The following CADM1 variants were observed in gnomAD, a reference collection of about 807,000 sequenced individuals.
CADM1 encodes the protein cell adhesion molecule 1, also known as TSLC-1.
Under a neutral mutation model 53.1 loss-of-function variants are expected in CADM1, and 15 were observed. The observed-to-expected ratio is 0.28, with a 90% confidence interval of 0.19 to 0.44. The LOEUF is 0.44. CADM1 is among the 20% of genes least tolerant of loss of function. The pLI is 1.00. For synonymous variants in CADM1, 281 were observed against 243.0 expected (o/e 1.16, Z -1.45); for missense variants, 434 against 611.3 (o/e 0.71, Z 3.06).
intron 1 of CADM1, among the ~76,000 whole-genome samples, chr11:115,261,581 T>A (rs1942974902): frequency 6.6e-6 from 1 of 152,202 alleles, no homozygotes; most frequent in Admixed American, 6.5e-5. Flanking sequence ...TTCTGTAATT[T>A]TAATTACTAT....
chr11:115,180,735 C>G (rs1269511077), intron 10 of CADM1, among the ~76,000 whole-genome samples: 2 of 151,954 alleles, frequency 1.3e-5, no homozygotes, highest in African/African-American at 4.8e-5. Flanking sequence ...GCTTGACACA[C>G]TGGAGATGTT....
intron 1 of CADM1, among the ~76,000 whole-genome samples, chr11:115,383,004 G>A (rs1946615729): frequency 6.6e-6 from 1 of 152,136 alleles, no homozygotes; most frequent in Non-Finnish European, 1.5e-5. Flanking sequence ...TCTCACAATA[G>A]GCTAGCCCTT....
intron 1 of CADM1, among the ~76,000 whole-genome samples, chr11:115,454,033 T>C (rs919636869): frequency 6.6e-6 from 1 of 152,066 alleles, no homozygotes; most frequent in Non-Finnish European, 1.5e-5. Flanking sequence ...TTGGTCATTT[T>C]TTCTAAAATG....
At chr11:115,475,318 C>A (rs1280442609) in intron 1 of CADM1, among the ~76,000 whole-genome samples, 1 of 150,194 alleles carries the variant, frequency 6.7e-6, no homozygotes, top group South Asian at 2.1e-4. Flanking sequence ...TTTATTTTTT[C>A]AAATATTTTC....
At chr11:115,231,773 G>C (rs1296754934) in intron 3 of CADM1, among the ~76,000 whole-genome samples, 2 of 152,060 alleles carry the variant, frequency 1.3e-5, no homozygotes, top group Non-Finnish European at 2.9e-5. Context: ...GATTACCTGA[G>C]GTCAGGAGTT....
chr11:115,380,229 G>GA (rs34763055), intron 1 of CADM1, among the ~76,000 whole-genome samples: 152,332 of 152,332 alleles, frequency 1, 76,166 homozygotes, highest in Non-Finnish European at 1. Flanking sequence ...ATCGGGGGAA[G>GA]AAAGAATTAT....
chr11:115,275,510 A>G (rs374395908), intron 1 of CADM1, among the ~76,000 whole-genome samples: 4 of 152,228 alleles, frequency 2.6e-5, no homozygotes, highest in East Asian at 1.9e-4. Context: ...TGTATGGCAT[A>G]TAAGATTGAA....
chr11:115,472,760 G>A (rs1466477366), intron 1 of CADM1, among the ~76,000 whole-genome samples: 1 of 152,018 alleles, frequency 6.6e-6, no homozygotes, highest in Non-Finnish European at 1.5e-5. Flanking sequence ...ATATATTTAT[G>A]TTGCTCTATT....
At chr11:115,488,667 A>G (rs2135422982) in intron 1 of CADM1, among the ~76,000 whole-genome samples, 1 of 152,346 alleles carries the variant, frequency 6.6e-6, no homozygotes, top group Middle Eastern at 3.4e-3. Context: ...CCTCTTCTAC[A>G]CAAGACCAAA....
At chr11:115,257,949 G>C (rs1942846888) in intron 1 of CADM1, among the ~76,000 whole-genome samples, 1 of 152,190 alleles carries the variant, frequency 6.6e-6, no homozygotes, top group Admixed American at 6.5e-5. Flanking sequence ...AGGTGATGCT[G>C]ACACTGCTGA....
chr11:115,416,287 C>T lies in CADM1; in HGVS notation c.124+87984G>A, dbSNP rs551870391. Among the ~76,000 whole-genome samples the T allele has an allele frequency of 5.3e-5, 8 of 152,164 alleles. No individual in the cohort carries two copies. The South Asian group carries it at 1.2e-3, about 24-fold the overall frequency. The stretch of plus-strand genomic sequence containing the variant: ...AGCTGAGTATCTTTGGCCAATTGTC[C>T]GCTGCTTTCTTATATTAAATCTCCA... On this transcript the variant is annotated intron_variant, in intron 1 of 11. Transcript: ENST00000331581.
intron 1 of CADM1, among the ~76,000 whole-genome samples, chr11:115,294,946 G>A (rs1397305378): frequency 6.6e-6 from 1 of 152,180 alleles, no homozygotes; most frequent in Non-Finnish European, 1.5e-5. Context: ...GGCTGAGGCA[G>A]GAGAATTGCT....
At chr11:115,233,787 T>C (rs1941911389) in intron 3 of CADM1, among the ~76,000 whole-genome samples, 1 of 152,108 alleles carries the variant, frequency 6.6e-6, no homozygotes, top group Non-Finnish European at 1.5e-5. Context: ...TGTTGAAATA[T>C]GCAGTGGTTC....
intron 1 of CADM1, among the ~76,000 whole-genome samples, chr11:115,417,713 T>G (rs556524053): frequency 6.6e-6 from 1 of 152,306 alleles, no homozygotes; most frequent in South Asian, 2.1e-4. Context: ...GATTTCATTA[T>G]GCTCCTCAGA....
chr11:115,367,153 G>A (rs1946184541), intron 1 of CADM1, among the ~76,000 whole-genome samples: 1 of 152,246 alleles, frequency 6.6e-6, no homozygotes, highest in Non-Finnish European at 1.5e-5. Context: ...GTTCGAGGCT[G>A]CAGTGAGCTA....
intron 1 of CADM1, among the ~76,000 whole-genome samples, chr11:115,351,584 ACACTT>A (rs1219293331): frequency 6.6e-6 from 1 of 152,212 alleles, no homozygotes; most frequent in African/African-American, 2.4e-5. Flanking sequence ...CCTAGAGAAA[ACACTT>A]CAAATTGTAT....
chr11:115,407,476 T>G (rs547387508), intron 1 of CADM1, among the ~76,000 whole-genome samples: 1 of 152,282 alleles, frequency 6.6e-6, no homozygotes, highest in Admixed American at 6.5e-5. Context: ...TTTCATTAAG[T>G]GCTGCCAAAA....
intron 1 of CADM1, among the ~76,000 whole-genome samples, chr11:115,381,952 C>T (rs561058665): frequency 1.3e-3 from 196 of 152,242 alleles, no homozygotes; most frequent in African/African-American, 4.4e-3. Context: ...TTCAAGCCAT[C>T]TCCTGCCTCA....
At chr11:115,269,813 T>G (rs1175653637) in intron 1 of CADM1, among the ~76,000 whole-genome samples, 1 of 152,208 alleles carries the variant, frequency 6.6e-6, no homozygotes, top group Non-Finnish European at 1.5e-5. Flanking sequence ...CCATGCCTAT[T>G]TGTATACATT....
Sources: allele counts gnomAD v4.1 joint callset (sites outside exome capture counted in the v4.1 genomes callset), GRCh38; gene constraint gnomAD v4.1.1; transcripts MANE v1.5; gene names NCBI Gene and HGNC (gene_info 2026-07-23, HGNC 2026-07-21).